Variants in PCDHA11 observed in about 807,000 individuals in gnomAD.
The protein encoded by PCDHA11 is protocadherin alpha 11.
Under a neutral mutation model 70.3 loss-of-function variants are expected in PCDHA11, and 61 were observed. That is an observed-to-expected ratio of 0.87 (90% CI 0.71 to 1.07). PCDHA11 has a LOEUF of 1.07. PCDHA11 is among the 50% of genes least tolerant of loss of function. The probability of loss-of-function intolerance (pLI) is 0.00; values close to 1 mark genes in which losing one functional copy is unlikely to be tolerated. For missense variants in PCDHA11, 1,324 were observed against 1,237.5 expected (o/e 1.07, Z -1.05); for synonymous variants, 633 against 555.1 (o/e 1.14, Z -1.97).
intron 3 of PCDHA11, among the ~76,000 whole-genome samples, chr5:140,987,422 G>A (rs1554249178): frequency 6.6e-6 from 1 of 152,152 alleles, no homozygotes; most frequent in Non-Finnish European, 1.5e-5. Flanking sequence ...CTTGTGAGAA[G>A]CAGGGGGCCT....
intron 1 of PCDHA11, among the ~76,000 whole-genome samples, chr5:140,933,411 T>C (rs1174569571): frequency 6.6e-6 from 1 of 152,084 alleles, no homozygotes; most frequent in Non-Finnish European, 1.5e-5. Flanking sequence ...CATCTACAGA[T>C]ATTCTGTGTT....
intron 1 of PCDHA11, chr5:140,882,976 T>A: frequency 6.2e-7 from 1 of 1,614,220 alleles, no homozygotes; most frequent in South Asian, 1.1e-5. Context: ...TGGACGTGAA[T>A]GACAACGCCC....
chr5:140,906,846 G>T (rs2072987315), intron 1 of PCDHA11, among the ~76,000 whole-genome samples: 1 of 152,186 alleles, frequency 6.6e-6, no homozygotes, highest in Non-Finnish European at 1.5e-5. Context: ...CATCTTGAGA[G>T]TCTGGGTCAG....
At chr5:140,923,093 A>G (rs1372910044) in intron 1 of PCDHA11, among the ~76,000 whole-genome samples, 3 of 152,194 alleles carry the variant, frequency 2.0e-5, no homozygotes, top group Admixed American at 6.5e-5. Flanking sequence ...TATTTGACCA[A>G]TGGGAGTATG....
At chr5:140,934,771 A>G (rs1319115042) in intron 1 of PCDHA11, among the ~76,000 whole-genome samples, 2 of 152,184 alleles carry the variant, frequency 1.3e-5, no homozygotes, top group Non-Finnish European at 2.9e-5. Context: ...CATATTTGAT[A>G]TGGCCCAATC....
chr5:140,942,840 T>C (rs75984395), intron 1 of PCDHA11, among the ~76,000 whole-genome samples: 6,117 of 152,206 alleles, frequency 0.04, 136 homozygotes, highest in Non-Finnish European at 0.052. Context: ...CAATAAAAAT[T>C]CCAGTAAGAT....
chr5:141,004,948 C>G (rs1356526927), intron 3 of PCDHA11, among the ~76,000 whole-genome samples: 1 of 152,236 alleles, frequency 6.6e-6, no homozygotes, highest in Non-Finnish European at 1.5e-5. Context: ...TTCTTACCCT[C>G]TCTCGTCACT....
At chr5:140,883,355 A>C (rs763058953) in intron 1 of PCDHA11, 36 of 1,613,958 alleles carry the variant, frequency 2.2e-5, no homozygotes, top group Non-Finnish European at 3.0e-5. Context: ...CAGAGAAGAC[A>C]CTCAGCCTAG....
chr5:140,920,559 C>T (rs2153557837), intron 1 of PCDHA11, among the ~76,000 whole-genome samples: 2 of 152,226 alleles, frequency 1.3e-5, no homozygotes, highest in South Asian at 4.1e-4. Context: ...GAAGTGTGGC[C>T]CTTAGGCCAG....
At chr5:140,876,968 T>C (rs782613091) in intron 1 of PCDHA11, 1 of 1,608,986 alleles carries the variant, frequency 6.2e-7, no homozygotes, top group Non-Finnish European at 8.5e-7. Context: ...GAGCGGCGGG[T>C]GGGCGAGCAC....
chr5:140,878,517 G>T (rs2153361711), intron 1 of PCDHA11, among the ~76,000 whole-genome samples: 1 of 152,246 alleles, frequency 6.6e-6, no homozygotes, highest in African/African-American at 2.4e-5. Context: ...AGTACAGTTG[G>T]TAACCAACTG....
chr5:140,940,770 T>A (rs560965178), intron 1 of PCDHA11, among the ~76,000 whole-genome samples: 5 of 152,270 alleles, frequency 3.3e-5, no homozygotes, highest in Non-Finnish European at 7.3e-5. Context: ...ATTTGACTTT[T>A]GATGGTCCAT....
chr5:141,003,540 T>A (rs2098129225), intron 3 of PCDHA11, among the ~76,000 whole-genome samples: 1 of 152,188 alleles, frequency 6.6e-6, no homozygotes, highest in Non-Finnish European at 1.5e-5. Flanking sequence ...CTTGAACTCC[T>A]GGCTTCAAGT....
At chr5:140,975,472 A>G (rs1012106018) in intron 1 of PCDHA11, among the ~76,000 whole-genome samples, 2 of 152,250 alleles carry the variant, frequency 1.3e-5, no homozygotes, top group African/African-American at 4.8e-5. Flanking sequence ...AATTCTGCCT[A>G]TCAGTTTATA....
intron 1 of PCDHA11, among the ~76,000 whole-genome samples, chr5:140,898,083 A>G (rs2066516404): frequency 6.6e-6 from 1 of 151,810 alleles, no homozygotes; most frequent in South Asian, 2.1e-4. Context: ...TAGATTCTGG[A>G]TATTAGCCCT....
rs782703183 is a variant in PCDHA11 at position 140,882,765 on chromosome 5, C to A, written c.2391+11271C>A. On this transcript the variant is annotated intron_variant, in intron 1 of 3. Transcript: ENST00000398640. ...TCCGATGCAGATATTGGAGTAAACT[C>A]GGCATTGACCTACCGACTGGATCCC... 1.5e-5 allele frequency: 25 copies of A among 1,614,104 alleles called. No individual in the cohort carries two copies. In the South Asian group the frequency reaches 2.7e-4, roughly 18 times the overall value.
intron 1 of PCDHA11, among the ~76,000 whole-genome samples, chr5:140,910,213 G>A (rs1375224674): frequency 6.6e-6 from 1 of 152,170 alleles, no homozygotes; most frequent in South Asian, 2.1e-4. Context: ...TGACCTGGAA[G>A]TTTTCTGCTT....
chr5:140,985,505 T>C (rs2097155238), intron 3 of PCDHA11, among the ~76,000 whole-genome samples: 1 of 152,188 alleles, frequency 6.6e-6, no homozygotes, highest in Non-Finnish European at 1.5e-5. Flanking sequence ...CTGCCTTTCA[T>C]TGATTCTGTT....
chr5:140,961,887 G>GTT (rs35680913), intron 1 of PCDHA11, among the ~76,000 whole-genome samples: 78 of 143,932 alleles, frequency 5.4e-4, no homozygotes, highest in African/African-American at 1.2e-3. Flanking sequence ...ACTTACATCA[G>GTT]TTTTTTTTTT....
Sources: gnomAD v4.1 joint callset for allele counts (sites outside exome capture counted in the v4.1 genomes callset) on GRCh38, gnomAD v4.1.1 for gene constraint, MANE v1.5 for transcripts, NCBI Gene and HGNC (gene_info 2026-07-23, HGNC 2026-07-21) for gene names.